ROS1: variants seen among roughly 807,000 people sequenced by gnomAD.
ROS1 encodes ROS proto-oncogene 1, receptor tyrosine kinase.
A neutral mutation model predicts 273.5 loss-of-function variants in ROS1; 263 were observed. The ratio of observed to expected loss-of-function variants is 0.96; its 90% CI spans 0.87 to 1.06. ROS1 has a LOEUF of 1.06. Ranked by LOEUF, ROS1 falls within the 50% of genes least tolerant of loss-of-function variation. The pLI is 0.00. For missense variants in ROS1, 2,833 were observed against 2,751.1 expected (o/e 1.03, Z -0.67); for synonymous variants, 1,008 against 954.1 (o/e 1.06, Z -1.04).
At chr6:117,298,524 A>G (rs142116168) in intron 43 of ROS1, among the ~76,000 whole-genome samples, 124 of 152,344 alleles carry the variant, frequency 8.1e-4, no homozygotes, top group African/African-American at 2.7e-3. Flanking sequence ...TTGTTCCTCT[A>G]AAGTTTCCAT....
Position 117,356,857 on chromosome 6 carries a change from T to A in ROS1, c.3898A>T (p.Ile1300Phe). The change falls in exon 26 of 44, where the codon ATC becomes TTC. Residue 1300 changes from isoleucine (I) to phenylalanine (F), a missense_variant. Coordinates refer to ENST00000368507, the MANE Select transcript of ROS1 (RefSeq NM_001378902.1). Reference protein sequence around the residue: ...FGYQMFYYSIISHTLHRILQP... With the variant: ...FGYQMFYYSIFSHTLHRILQP... ...AGAATTCGGTGCAAGGTGTGACTGA[T>A]AATACTGTAGTAGAACATCTGGTAG... is the stretch of plus-strand genomic sequence containing the variant. 6.2e-7 allele frequency: 1 copy of A among 1,614,188 alleles called. No homozygotes were observed.
intron 27 of ROS1, among the ~76,000 whole-genome samples, chr6:117,346,687 C>A (rs1458384781): frequency 6.6e-6 from 1 of 152,100 alleles, no homozygotes; most frequent in Non-Finnish European, 1.5e-5. Context: ...AACTTTCCCC[C>A]ATTATCAATA....
rs565892633 is a variant in ROS1, at chr6:117,288,792, G to T, written c.6726C>A (p.Gly2242=). Residue 2242 remains glycine (G), a synonymous_variant, in exon 44 of 44, where the codon GGC becomes GGA. Transcript: ENST00000368507. The part of the protein sequence containing the change: ...VINESFEGED[G]DVICLNSDDI... ...CATCTGAATTCAAACAAATCACATC[G>T]CCATCTTCACCTGTGAAAAAAATAT... 1.3e-5 allele frequency: 21 copies of T among 1,594,098 alleles called. No homozygotes were observed. The highest frequency in any genetic ancestry group is 1.8e-5 in the Admixed American group (1 of 56,666).
intron 43 of ROS1, among the ~76,000 whole-genome samples, chr6:117,292,590 T>C (rs1773922620): frequency 6.6e-6 from 1 of 152,196 alleles, no homozygotes; most frequent in South Asian, 2.1e-4. Context: ...TCTACTTTAA[T>C]GACCTAGTCT....
At chr6:117,359,689 T>G (rs1217883056) in intron 24 of ROS1, 120 bp downstream of exon 24, 2 of 778,106 alleles carry the variant, frequency 2.6e-6, no homozygotes, top group Non-Finnish European at 4.2e-6. Context: ...TTATACAATA[T>G]CTGTCCTTTT....
At position 117,341,486 on chromosome 6, in the gene ROS1, T is replaced by C. The variant is rs1172074849; in HGVS notation, c.4798A>G (p.Thr1600Ala). Reference sequence around the variant, plus strand: ...GGAAATTCACTTTGTCTTAGAGGAGTTTCAGGAATTAGGGCCAGGTGTGAG... The same window carrying C: ...GGAAATTCACTTTGTCTTAGAGGAGCTTCAGGAATTAGGGCCAGGTGTGAG... The part of the protein sequence containing the change: ...AISHLALIPE[T>A]PLRQSEFPNG... Residue 1600 changes from threonine (T) to alanine (A), a missense_variant, in exon 30 of 44, where the codon ACT (threonine) becomes GCT (alanine). Coordinates refer to ENST00000368507, the MANE Select transcript of ROS1 (RefSeq NM_001378902.1). 6.2e-7 allele frequency: 1 copy of C among 1,613,368 alleles called. No homozygotes were observed. Among genetic ancestry groups the C allele is most frequent in the Non-Finnish European group, 8.5e-7 (1 of 1,179,700 alleles).
intron 35 of ROS1, among the ~76,000 whole-genome samples, chr6:117,323,936 A>G (rs563446865): frequency 6.6e-6 from 1 of 152,180 alleles, no homozygotes; most frequent in Non-Finnish European, 1.5e-5. Context: ...AAAGATTGTC[A>G]CTGGCCTCCC....
At chr6:117,408,404 G>T (rs1347267576) in intron 5 of ROS1, among the ~76,000 whole-genome samples, 2 of 152,104 alleles carry the variant, frequency 1.3e-5, no homozygotes, top group East Asian at 3.8e-4. Flanking sequence ...GTGGGCGAAG[G>T]ATACGAACAG....
intron 39 of ROS1, among the ~76,000 whole-genome samples, chr6:117,316,662 G>A (rs948471444): frequency 6.6e-6 from 1 of 150,992 alleles, no homozygotes; most frequent in African/African-American, 2.4e-5. Context: ...GAAGTAGATG[G>A]GTGGAGTAGG....
At position 117,351,361 on chromosome 6, in the gene ROS1, C is replaced by A. The variant is rs145952226; in HGVS notation, c.4303+1629G>T. Among the ~76,000 whole-genome samples the A allele has an allele frequency of 6.6e-5, 10 of 152,234 alleles. No individual in the cohort carries two copies. In the East Asian group the frequency reaches 1.9e-3, roughly 29 times the overall value. ...AGCTGTGATTAGTGTATCTTGAATG[C>A]AGCCCTTGTTAAGAAGAACAGAATG... On this transcript the variant is annotated intron_variant, in intron 27 of 43. Coordinates refer to ENST00000368507, the MANE Select transcript of ROS1 (RefSeq NM_001378902.1).
chr6:117,356,636 A>T lies in ROS1; in HGVS notation c.4119T>A (p.Ala1373=). Reference sequence around the variant, plus strand: ...CATACATCAGCATCTTACCGAGCATAGCAGGTACTGTGATAACTCTCCAAC... The same window carrying T: ...CATACATCAGCATCTTACCGAGCATTGCAGGTACTGTGATAACTCTCCAAC... ...CQCWRVITVP[A]MLGKTLVSLT... The change falls in exon 26 of 44, where the codon GCT becomes GCA. Residue 1373 remains alanine, a synonymous_variant. Coordinates refer to ENST00000368507, the MANE Select transcript of ROS1 (RefSeq NM_001378902.1). The T allele has an allele frequency of 6.2e-7, 1 of 1,611,788 alleles. No individual in the cohort carries two copies. The highest frequency in any genetic ancestry group is 1.3e-5 in the African/African-American group (1 of 75,032).
Position 117,288,072 on chromosome 6 carries a change from G to A in ROS1, c.*420C>T, listed in dbSNP as rs866015870. Among the ~76,000 whole-genome samples, 59 of 152,036 alleles carry A rather than the reference G, an allele frequency of 3.9e-4. No individual in the cohort carries two copies. Among genetic ancestry groups the A allele is most frequent in the African/African-American group, 1.1e-3 (45 of 41,398 alleles). ...CCCATTTGAGATTATCTGTAGTTCA[G>A]TTGACCCCCCTGAGCCTACTCCTTA... On this transcript the variant is annotated 3_prime_UTR_variant, in exon 44 of 44. Coordinates refer to ENST00000368507, the MANE Select transcript of ROS1 (RefSeq NM_001378902.1).
At chr6:117,360,773 C>T (rs538202610) in intron 22 of ROS1, among the ~76,000 whole-genome samples, 4 of 151,968 alleles carry the variant, frequency 2.6e-5, no homozygotes, top group Non-Finnish European at 2.9e-5. Flanking sequence ...TGTTGTACAG[C>T]TTGAATATAT....
At chr6:117,294,400 C>A (rs1774060045) in intron 43 of ROS1, among the ~76,000 whole-genome samples, 6 of 151,756 alleles carry the variant, frequency 4.0e-5, no homozygotes, top group Admixed American at 2.6e-4. Context: ...CTAAAGATTC[C>A]ACAAAATGTG....
At chr6:117,369,650 T>C (rs1025659086) in intron 18 of ROS1, among the ~76,000 whole-genome samples, 1 of 152,196 alleles carries the variant, frequency 6.6e-6, no homozygotes, top group Non-Finnish European at 1.5e-5. Context: ...TTCAGGACAC[T>C]GTTGCTTTGA....
chr6:117,310,381 T>C, intron 40 of ROS1, 100 bp from the exon 41 acceptor site: 1 of 163,028 alleles, frequency 6.1e-6, no homozygotes, highest in South Asian at 1.8e-4. Context: ...AGAGAAACTA[T>C]TTTTTTTTTT....
intron 27 of ROS1, among the ~76,000 whole-genome samples, chr6:117,345,938 C>T (rs61665931): frequency 2.0e-5 from 3 of 152,086 alleles, no homozygotes; most frequent in African/African-American, 7.2e-5. Context: ...CATCGAAAAT[C>T]TCCAACAACA....
intron 18 of ROS1, among the ~76,000 whole-genome samples, chr6:117,369,434 C>T (rs1582762492): frequency 6.6e-6 from 1 of 151,996 alleles, no homozygotes. Context: ...ATTAGCCGGG[C>T]GTGTTGGCGG....
rs1454549648 is a variant in ROS1, at chr6:117,425,931, T to A, written c.-275A>T. The stretch of plus-strand genomic sequence containing the variant: ...AGTCACCCAGTGACTAAAGGTTAGT[T>A]CTTAGAAGTGCACTTCACATGGAAA... On this transcript the variant is annotated 5_prime_UTR_variant, in exon 1 of 44. Transcript: ENST00000368507. 1 of 385,126 alleles carries A rather than the reference T, an allele frequency of 2.6e-6. No individual in the cohort carries two copies. Among genetic ancestry groups the A allele is most frequent in the Non-Finnish European group, 4.7e-6 (1 of 213,642 alleles). The allele number at this position is 385,126 out of a possible 1,614,324, so 23.9% of individuals were successfully genotyped here.
Sources: gnomAD v4.1 joint callset for allele counts (sites outside exome capture counted in the v4.1 genomes callset) on GRCh38, gnomAD v4.1.1 for gene constraint, MANE v1.5 for transcripts, NCBI Gene and HGNC (gene_info 2026-07-23, HGNC 2026-07-21) for gene names.